The following MYO10 variants were observed in gnomAD, a reference collection of about 807,000 sequenced individuals.
MYO10 encodes the protein myosin X.
A neutral mutation model predicts 257.3 loss-of-function variants in MYO10; 133 were observed. The ratio of observed to expected loss-of-function variants is 0.52; its 90% CI spans 0.45 to 0.60. The LOEUF (loss-of-function observed/expected upper bound fraction) is 0.60. MYO10 is among the 20% of genes least tolerant of loss of function. The probability of loss-of-function intolerance (pLI) is 0.00; values close to 1 mark genes in which losing one functional copy is unlikely to be tolerated. For synonymous variants in MYO10, 1,104 were observed against 1,028.6 expected (o/e 1.07, Z -1.40); for missense variants, 2,399 against 2,635.7 (o/e 0.91, Z 1.97).
intron 1 of MYO10, among the ~76,000 whole-genome samples, chr5:16,899,764 G>T (rs141453128): frequency 6.6e-6 from 1 of 152,062 alleles, no homozygotes; most frequent in Non-Finnish European, 1.5e-5. Context: ...CTGGGAGGTC[G>T]AGGCAGGTGG....
intron 2 of MYO10, among the ~76,000 whole-genome samples, chr5:16,832,914 C>T (rs1208407804): frequency 1.3e-5 from 2 of 152,210 alleles, no homozygotes; most frequent in African/African-American, 4.8e-5. Context: ...AACCTAAAAT[C>T]CCTCCATTGC....
At chr5:16,669,253 G>A (rs893378838) in intron 39 of MYO10, among the ~76,000 whole-genome samples, 5 of 150,846 alleles carry the variant, frequency 3.3e-5, no homozygotes, top group African/African-American at 7.3e-5. Flanking sequence ...TCACTCTGTC[G>A]CCCAGGCTGG....
At chr5:16,835,058 C>A (rs2126721313) in intron 2 of MYO10, among the ~76,000 whole-genome samples, 1 of 152,094 alleles carries the variant, frequency 6.6e-6, no homozygotes, top group African/African-American at 2.4e-5. Flanking sequence ...CACGCCTGTA[C>A]CCCAGCTACT....
chr5:16,890,744 A>G (rs931403016), intron 1 of MYO10, among the ~76,000 whole-genome samples: 1 of 151,688 alleles, frequency 6.6e-6, no homozygotes, highest in African/African-American at 2.4e-5. Flanking sequence ...GGAGGCTGAG[A>G]CAGGAGAATC....
intron 2 of MYO10, among the ~76,000 whole-genome samples, chr5:16,863,650 C>T (rs937042797): frequency 9.9e-5 from 15 of 152,114 alleles, no homozygotes; most frequent in Admixed American, 9.8e-4. Context: ...GATTCTGAGC[C>T]AAACTCAACA....
intron 31 of MYO10, 93 bp from the exon 32 acceptor site, chr5:16,681,596 G>T (rs1737004416): frequency 4.6e-6 from 6 of 1,294,002 alleles, no homozygotes; most frequent in Non-Finnish European, 6.4e-6. Context: ...CATGGGTGGG[G>T]TTTCTAGCTG....
Position 16,754,839 on chromosome 5 carries a change from T to G in MYO10, c.1918A>C (p.Asn640His). Residue 640 changes from asparagine (N) to histidine (H), a missense_variant, in exon 19 of 41, where the codon AAC (asparagine) becomes CAC (histidine). By Grantham distance (68) the Asn-to-His change is moderately conservative. Coordinates refer to ENST00000513610, the MANE Select transcript of MYO10 (RefSeq NM_012334.3). The stretch of plus-strand genomic sequence containing the variant: ...GTCATCAATCTTACCTTCTGCATGT[T>G]TGGCTTGATACAGCGAACAAAGAAA... The part of the protein sequence containing the change: ...NPFFVRCIKP[N>H]MQKMPDQFDQ... 6.2e-7 allele frequency: 1 copy of G among 1,602,656 alleles called. No individual in the cohort carries two copies. Among genetic ancestry groups the G allele is most frequent in the Non-Finnish European group, 8.5e-7 (1 of 1,172,558 alleles).
At chr5:16,885,995 C>T (rs780412649) in intron 1 of MYO10, among the ~76,000 whole-genome samples, 4 of 152,142 alleles carry the variant, frequency 2.6e-5, no homozygotes, top group South Asian at 2.1e-4. Flanking sequence ...AGGGCACCCA[C>T]GACAGCTAAA....
At chr5:16,894,607 G>A (rs1462957307) in intron 1 of MYO10, among the ~76,000 whole-genome samples, 1 of 152,184 alleles carries the variant, frequency 6.6e-6, no homozygotes, top group Non-Finnish European at 1.5e-5. Context: ...AAGCAGAGGT[G>A]GCCACTGACG....
intron 21 of MYO10, among the ~76,000 whole-genome samples, chr5:16,706,677 T>A (rs1265075679): frequency 6.6e-6 from 1 of 152,174 alleles, no homozygotes; most frequent in Non-Finnish European, 1.5e-5. Flanking sequence ...TCTCCACCAT[T>A]GGAAGTCAAA....
intron 4 of MYO10, among the ~76,000 whole-genome samples, chr5:16,792,796 C>T (rs1741811256): frequency 6.6e-6 from 1 of 152,140 alleles, no homozygotes; most frequent in African/African-American, 2.4e-5. Context: ...ACATATGGCT[C>T]TCCATATGTC....
chr5:16,676,600 C>T (rs1321644344), intron 33 of MYO10, among the ~76,000 whole-genome samples: 1 of 152,128 alleles, frequency 6.6e-6, no homozygotes, highest in East Asian at 1.9e-4. Context: ...GCTGTAATCT[C>T]AGCTACTCAT....
At chr5:16,750,605 G>A (rs909930959) in intron 19 of MYO10, among the ~76,000 whole-genome samples, 2 of 152,148 alleles carry the variant, frequency 1.3e-5, no homozygotes, top group African/African-American at 4.8e-5. Flanking sequence ...CACAAAAGCA[G>A]CTACAGGTGT....
At chr5:16,671,041 CGCTT>C in intron 38 of MYO10, 63 bp from the exon 39 acceptor site, 1 of 1,403,666 alleles carries the variant, frequency 7.1e-7, no homozygotes. Context: ...ATGCCCACGT[CGCTT>C]GCTCCCTCAC....
At position 16,819,559 on chromosome 5, in the gene MYO10, T is replaced by TA. The variant is rs919287162; in HGVS notation, c.121-1393dup. Among the ~76,000 whole-genome samples the TA allele has an allele frequency of 1.2e-3, 185 of 149,944 alleles. 1 individual carries two copies. The highest frequency in any genetic ancestry group is 6.3e-3 in the South Asian group (30 of 4,750). The stretch of plus-strand genomic sequence containing the variant: ...AGTAAAATAAAAACATCAAGAGATT[T>TA]AAAAAAAAAAGGATGTTAAATAACA... On this transcript the variant is annotated intron_variant, in intron 2 of 40. Transcript: ENST00000513610.
chr5:16,752,925 T>A (rs11958241), intron 19 of MYO10, among the ~76,000 whole-genome samples: 3,720 of 152,296 alleles, frequency 0.024, 175 homozygotes, highest in African/African-American at 0.084. Flanking sequence ...TTTGACATAC[T>A]TTTGAAAAAC....
intron 19 of MYO10, among the ~76,000 whole-genome samples, chr5:16,744,343 C>CACA (rs1256956136): frequency 6.6e-6 from 1 of 152,202 alleles, no homozygotes; most frequent in African/African-American, 2.4e-5. Flanking sequence ...TGTCAATACA[C>CACA]ACACGTTAAA....
chr5:16,902,313 G>A (rs1745402633), intron 1 of MYO10: 2 of 851,178 alleles, frequency 2.3e-6, no homozygotes, highest in Non-Finnish European at 4.0e-6. Flanking sequence ...CTTTGGTAGG[G>A]GACATGGGGC....
At chr5:16,849,892 T>G (rs1169468912) in intron 2 of MYO10, among the ~76,000 whole-genome samples, 1 of 152,190 alleles carries the variant, frequency 6.6e-6, no homozygotes, top group East Asian at 1.9e-4. Flanking sequence ...TACATCTGCT[T>G]TGACCCAAAA....
Sources: allele counts gnomAD v4.1 joint callset (sites outside exome capture counted in the v4.1 genomes callset), GRCh38; gene constraint gnomAD v4.1.1; transcripts MANE v1.5; gene names NCBI Gene and HGNC (gene_info 2026-07-23, HGNC 2026-07-21).